The following GARNL3 variants were observed in gnomAD, a reference collection of about 807,000 sequenced individuals.
GARNL3 encodes GTPase activating Rap/RanGAP domain like 3, also known as GTPase-activating Rap/Ran-GAP domain-like protein 3.
In GARNL3, 63 loss-of-function variants were observed where a neutral mutation model predicts 125.0. The ratio of observed to expected loss-of-function variants is 0.50; its 90% CI spans 0.41 to 0.62. GARNL3 has a LOEUF of 0.62. Among genes scored for constraint, GARNL3 ranks in the 20% least tolerant of loss-of-function variants. The probability of loss-of-function intolerance (pLI) is 0.00; values close to 1 mark genes in which losing one functional copy is unlikely to be tolerated. For synonymous variants in GARNL3, 439 were observed against 457.5 expected, an observed-to-expected ratio of 0.96 and a Z score of 0.52; for missense variants, 994 against 1,244.0, an observed-to-expected ratio of 0.80 and a Z score of 3.02.
upstream of GARNL3, chr9:127,264,512 T>C: frequency 1.0e-6 from 1 of 1,001,400 alleles, no homozygotes; most frequent in Non-Finnish European, 1.2e-6. Flanking sequence ...TAATGCTGGT[T>C]ATTTTTATGT....
chr9:127,387,304 C>G lies in GARNL3; in HGVS notation c.2500C>G (p.Pro834Ala). 6.2e-7 allele frequency: 1 copy of G among 1,613,620 alleles called. No homozygotes were observed. The highest frequency in any genetic ancestry group is 1.1e-5 in the South Asian group (1 of 90,982). Residue 834 changes from proline to alanine, a missense_variant, in exon 25 of 28, where the codon CCA becomes GCA. Around this residue, in one of 5 missense-constraint regions of GARNL3, gnomAD observed 728 missense variants for 865.7 expected, o/e 0.84. Coordinates refer to ENST00000373387, the MANE Select transcript of GARNL3 (RefSeq NM_032293.5). The stretch of plus-strand genomic sequence containing the variant: ...TCAGACACCCCCGGGCCGAGATACT[C>G]CAGTATTTCCTTCTTCCCTGGGGGA... ...SPQTPPGRDT[P>A]VFPSSLGEGE...
chr9:127,286,809 T>C (rs1278896796), intron 1 of GARNL3, among the ~76,000 whole-genome samples: 1 of 152,228 alleles, frequency 6.6e-6, no homozygotes, highest in African/African-American at 2.4e-5. Flanking sequence ...CAACTTATCA[T>C]AGGATCAATG....
At chr9:127,259,607 C>T (rs1411562027), upstream of GARNL3, among the ~76,000 whole-genome samples, 1 of 152,204 alleles carries the variant, frequency 6.6e-6, no homozygotes, top group African/African-American at 2.4e-5. Flanking sequence ...AAGCCTGCTG[C>T]TTGGCCCTGG....
chr9:127,380,150 G>A (rs1264505508), intron 22 of GARNL3, among the ~76,000 whole-genome samples: 3 of 151,842 alleles, frequency 2.0e-5, no homozygotes, highest in African/African-American at 4.8e-5. Context: ...CCAAAATCGC[G>A]CCACCGCACT....
upstream of GARNL3, among the ~76,000 whole-genome samples, chr9:127,263,094 C>T (rs1484152071): frequency 2.0e-5 from 3 of 152,204 alleles, no homozygotes; most frequent in Admixed American, 1.3e-4. Context: ...ACATAGTGGA[C>T]ATTCTCTTTA....
chr9:127,233,543 AT>A lies in GARNL3; in HGVS notation c.-29+9214del, dbSNP rs202145758. Among the ~76,000 whole-genome samples the A allele has an allele frequency of 3.7e-4, 56 of 151,596 alleles. 1 individual carries two copies. The highest frequency in any genetic ancestry group is 1.0e-3 in the African/African-American group (42 of 41,356). On this transcript the variant is annotated intron_variant, in intron 1 of 10. Coordinates refer to the GARNL3 transcript ENST00000439286. ...AGGGTCACAGAATTGGGGTTTCTGT[AT>A]TTTTTTTTAGTTTTTGTTGTAAAAG... is the stretch of plus-strand genomic sequence containing the variant.
In GARNL3 at chr9:127,264,837, C is replaced by T. The variant is rs763110283; in HGVS notation, c.-41C>T. On this transcript the variant is annotated 5_prime_UTR_variant, in exon 1 of 28. Coordinates refer to ENST00000373387, the MANE Select transcript of GARNL3 (RefSeq NM_032293.5). Reference sequence around the variant, plus strand: ...AGGAGGCTCCCCTGCAGTGAGGAGCCGGGGCACTGCAAGTCTGTTCCATAG... The same window carrying T: ...AGGAGGCTCCCCTGCAGTGAGGAGCTGGGGCACTGCAAGTCTGTTCCATAG... 8.7e-6 allele frequency: 13 copies of T among 1,491,672 alleles called. No homozygotes were observed. The highest frequency in any genetic ancestry group is 2.8e-5 in the South Asian group (2 of 71,724). 92.4% of individuals were successfully genotyped at this position (1,491,672 alleles called of 1,614,324 possible). A position where few individuals can be genotyped will look rare whatever the true frequency, so the allele number is the denominator to read the frequency against.
chr9:127,288,061 T>C (rs977735768), intron 1 of GARNL3, among the ~76,000 whole-genome samples: 1 of 152,170 alleles, frequency 6.6e-6, no homozygotes, highest in African/African-American at 2.4e-5. Flanking sequence ...GATGCAGTGG[T>C]GAGAACAAGT....
At chr9:127,270,518 C>G (rs1235348309) in intron 1 of GARNL3, among the ~76,000 whole-genome samples, 1 of 152,186 alleles carries the variant, frequency 6.6e-6, no homozygotes, top group Non-Finnish European at 1.5e-5. Flanking sequence ...CTGAGCTCTT[C>G]CCTGTCCCAG....
Position 127,339,761 on chromosome 9 carries a change from T to G in GARNL3, c.1135+10T>G, listed in dbSNP as rs771046986. 6.4e-7 allele frequency: 1 copy of G among 1,567,834 alleles called. No homozygotes were observed. Among genetic ancestry groups the G allele is most frequent in the Admixed American group, 1.7e-5 (1 of 59,990 alleles). On this transcript the variant is annotated intron_variant, in intron 13 of 27. Transcript: ENST00000373387. ...TTTTTGCTAGTGAAATGTAAGTTTC[T>G]GTTTTGAAACAATTTTGCAACTTGT...
chr9:127,387,067 C>T (rs1832578078), intron 24 of GARNL3, 126 bp from the exon 25 acceptor site: 2 of 950,456 alleles, frequency 2.1e-6, no homozygotes, highest in East Asian at 2.7e-5. Flanking sequence ...GCCCCGGCAT[C>T]CCGCACTGCA....
chr9:127,391,533 A>AATATATATATATATATAT (rs1554741684), intron 27 of GARNL3, among the ~76,000 whole-genome samples: 5 of 75,738 alleles, frequency 6.6e-5, no homozygotes, highest in East Asian at 3.9e-4. Context: ...ACAAAAAAAA[A>AATATATATATATATATAT]ATATATATAT....
At chr9:127,265,369 C>G (rs1055303026) in intron 1 of GARNL3, among the ~76,000 whole-genome samples, 1 of 151,974 alleles carries the variant, frequency 6.6e-6, no homozygotes, top group Non-Finnish European at 1.5e-5. Context: ...ATCTAGTTTT[C>G]AAGGTTTAAA....
chr9:127,388,738 A>G, intron 25 of GARNL3, 166 bp from the exon 26 acceptor site: 2 of 604,688 alleles, frequency 3.3e-6, no homozygotes, highest in South Asian at 4.0e-5. Context: ...GCCATCAGGC[A>G]CCCTCAAATC....
chr9:127,372,323 A>C (rs1388300140), intron 22 of GARNL3, among the ~76,000 whole-genome samples: 1 of 152,174 alleles, frequency 6.6e-6, no homozygotes, highest in Non-Finnish European at 1.5e-5. Context: ...TAAGAGTACC[A>C]AGAAAGAAGC....
At position 127,242,784 on chromosome 9, in the gene GARNL3, C is replaced by T. The variant is rs530093646; in HGVS notation, c.-28-295C>T. 2.0e-5 allele frequency among the ~76,000 whole-genome samples: 3 copies of T among 152,202 alleles called. No homozygotes were observed. Among genetic ancestry groups the T allele is most frequent in the Admixed American group, 6.5e-5 (1 of 15,280 alleles). On this transcript the variant is annotated intron_variant, in intron 1 of 10. Transcript: ENST00000439286. This position sits in a 1 kb window ranked among gnomAD's most constrained non-coding sequence, Gnocchi z 4.6. ...CAAATTCATACTGCCTTTCTCTAAA[C>T]AAGTTTGTGATTGTTCAAATGCTCA...
chr9:127,255,455 A>C (rs1385112041), intron 2 of GARNL3, among the ~76,000 whole-genome samples: 1 of 152,262 alleles, frequency 6.6e-6, no homozygotes, highest in African/African-American at 2.4e-5. Flanking sequence ...ATTGGAAATG[A>C]GTAAGTACAT....
At chr9:127,285,295 A>G (rs930623782) in intron 1 of GARNL3, among the ~76,000 whole-genome samples, 22 of 152,162 alleles carry the variant, frequency 1.4e-4, no homozygotes, top group African/African-American at 5.1e-4. Context: ...GCTGGGCATG[A>G]TGGTGCATGC....
chr9:127,319,315 T>G (rs1370261605), intron 5 of GARNL3, among the ~76,000 whole-genome samples: 2 of 152,044 alleles, frequency 1.3e-5, no homozygotes, highest in East Asian at 1.9e-4. Flanking sequence ...AAACCCCGTC[T>G]CTACTAAAAT....
Sources: gnomAD v4.1 joint callset for allele counts (sites outside exome capture counted in the v4.1 genomes callset) on GRCh38, gnomAD v4.1.1 for gene constraint, gnomAD v4.1.1 regional missense constraint, Gnocchi (gnomAD v3.1) non-coding constraint, MANE v1.5 for transcripts, NCBI Gene and HGNC (gene_info 2026-07-23, HGNC 2026-07-21) for gene names.